Variants in MACROD2 observed in about 807,000 individuals in gnomAD.
MACROD2 encodes ADP-ribose glycohydrolase MACROD2.
A neutral mutation model predicts 70.4 loss-of-function variants in MACROD2; 36 were observed. That is an observed-to-expected ratio of 0.51 (90% CI 0.39 to 0.68). MACROD2 has a LOEUF of 0.68. Among genes scored for constraint, MACROD2 ranks in the 30% least tolerant of loss-of-function variants. MACROD2 has a pLI of 0.00. For missense variants in MACROD2, 496 were observed against 538.4 expected, an observed-to-expected ratio of 0.92 and a Z score of 0.78; for synonymous variants, 172 against 178.8, an observed-to-expected ratio of 0.96 and a Z score of 0.30.
intron 5 of MACROD2, among the ~76,000 whole-genome samples, chr20:14,804,892 T>TGTGTGTGTGAGA (rs1555832707): frequency 6.7e-6 from 1 of 148,628 alleles, no homozygotes; most frequent in African/African-American, 2.5e-5. Context: ...TGTGTGTGTG[T>TGTGTGTGTGAGA]GAGAGAGAGA....
intron 8 of MACROD2, among the ~76,000 whole-genome samples, chr20:15,810,151 G>T (rs1044704869): frequency 3.9e-5 from 6 of 151,924 alleles, no homozygotes; most frequent in African/African-American, 1.4e-4. Context: ...TGCTGAGAAT[G>T]ATGGTTTCCA....
rs1440851618 is a variant in MACROD2, at chr20:15,420,604, A to G, written c.541-10801A>G. 2.6e-5 allele frequency among the ~76,000 whole-genome samples: 4 copies of G among 151,852 alleles called. No individual in the cohort carries two copies. In the East Asian group the frequency reaches 7.7e-4, roughly 29 times the overall value. On this transcript the variant is annotated intron_variant, in intron 6 of 17. Coordinates refer to ENST00000684519, the MANE Select transcript of MACROD2 (RefSeq NM_001351661.2). ...CTATATTCACCCATGCGATGGGGAA[A>G]AAAATTGAATTATTGACTATTCTCC...
chr20:15,462,476 T>C (rs2046832402), intron 7 of MACROD2, among the ~76,000 whole-genome samples: 1 of 152,240 alleles, frequency 6.6e-6, no homozygotes, highest in Admixed American at 6.5e-5. Context: ...TTGTATAGCA[T>C]GTTTACTTTC....
chr20:15,938,971 A>C (rs2065709103), intron 12 of MACROD2, among the ~76,000 whole-genome samples: 1 of 152,262 alleles, frequency 6.6e-6, no homozygotes, highest in Non-Finnish European at 1.5e-5. Flanking sequence ...GCCAGAGCCT[A>C]GTCCAGAGCA....
intron 5 of MACROD2, among the ~76,000 whole-genome samples, chr20:14,857,326 G>C (rs2073265714): frequency 6.6e-6 from 1 of 152,176 alleles, no homozygotes; most frequent in Non-Finnish European, 1.5e-5. Flanking sequence ...GGCGTTGAGG[G>C]GCCTGGCCCC....
intron 6 of MACROD2, among the ~76,000 whole-genome samples, chr20:15,267,777 C>A (rs2077309113): frequency 6.6e-6 from 1 of 152,186 alleles, no homozygotes; most frequent in Admixed American, 6.5e-5. Context: ...TGGGACGGGG[C>A]CTTGGGAAGT....
intron 5 of MACROD2, among the ~76,000 whole-genome samples, chr20:14,898,870 G>T (rs1253307998): frequency 1.3e-5 from 2 of 152,262 alleles, no homozygotes; most frequent in African/African-American, 4.8e-5. Context: ...CAAATAGGAA[G>T]TAGTATCATT....
At chr20:14,181,100 C>T (rs1350670593) in intron 3 of MACROD2, among the ~76,000 whole-genome samples, 2 of 148,808 alleles carry the variant, frequency 1.3e-5, no homozygotes, top group Non-Finnish European at 3.0e-5. Context: ...GGGTCTCTCT[C>T]TCTGTTGCCC....
Position 14,000,360 on chromosome 20 carries a change from T to C in MACROD2, c.47-1928T>C, listed in dbSNP as rs12479596. On this transcript the variant is annotated intron_variant, in intron 1 of 17. Transcript: ENST00000684519. The stretch of plus-strand genomic sequence containing the variant: ...CCTAATGTGGCTGAAGTTCTAGTTA[T>C]AGGAGTGGGAAAAATATTGGTTCCC... Among the ~76,000 whole-genome samples, 991 of 152,274 alleles carry C rather than the reference T, an allele frequency of 6.5e-3. 42 individuals carry two copies. The East Asian group carries it at 0.12, about 19-fold the overall frequency.
intron 3 of MACROD2, among the ~76,000 whole-genome samples, chr20:14,259,014 C>T (rs2082080532): frequency 6.6e-6 from 1 of 152,348 alleles, no homozygotes; most frequent in East Asian, 1.9e-4. Context: ...ATGATCTCAG[C>T]TCACTGCAAC....
At chr20:15,946,428 G>A (rs1158471303) in intron 12 of MACROD2, among the ~76,000 whole-genome samples, 4 of 152,092 alleles carry the variant, frequency 2.6e-5, no homozygotes, top group African/African-American at 9.7e-5. Flanking sequence ...GATAATACAG[G>A]TGAGGGGGGT....
At chr20:14,691,450 C>T (rs1360343140) in intron 5 of MACROD2, among the ~76,000 whole-genome samples, 1 of 152,124 alleles carries the variant, frequency 6.6e-6, no homozygotes, top group Non-Finnish European at 1.5e-5. Context: ...GAAAAGAATG[C>T]CTAGAAAAAT....
At chr20:15,664,190 C>A (rs948075166) in intron 8 of MACROD2, among the ~76,000 whole-genome samples, 1 of 152,104 alleles carries the variant, frequency 6.6e-6, no homozygotes, top group Non-Finnish European at 1.5e-5. Context: ...GGCAAGAGTT[C>A]TGTGAAGATT....
chr20:15,553,744 G>T (rs942615181), intron 8 of MACROD2, among the ~76,000 whole-genome samples: 3 of 152,120 alleles, frequency 2.0e-5, no homozygotes, highest in Non-Finnish European at 4.4e-5. Context: ...TGGGTATTTT[G>T]GAAGTATTTA....
intron 8 of MACROD2, among the ~76,000 whole-genome samples, chr20:15,837,144 C>T (rs185065091): frequency 1.6e-4 from 24 of 151,060 alleles, no homozygotes; most frequent in East Asian, 1.2e-3. Flanking sequence ...GGATAGTAGA[C>T]GAAAAAAAAG....
chr20:14,470,553 A>G (rs911990756), intron 3 of MACROD2, among the ~76,000 whole-genome samples: 5 of 152,160 alleles, frequency 3.3e-5, no homozygotes, highest in African/African-American at 1.2e-4. Flanking sequence ...GCTCTGTCCC[A>G]GGAAGATGGG....
intron 3 of MACROD2, among the ~76,000 whole-genome samples, chr20:14,393,710 A>G (rs1241749394): frequency 1.3e-5 from 2 of 152,082 alleles, no homozygotes; most frequent in Non-Finnish European, 1.5e-5. Context: ...TAGTCTCATT[A>G]TTGCTTGCCA....
intron 5 of MACROD2, among the ~76,000 whole-genome samples, chr20:15,095,100 A>G (rs574441069): frequency 9.1e-6 from 1 of 109,798 alleles, no homozygotes; most frequent in South Asian, 2.9e-4. Flanking sequence ...TTTTTTAGAC[A>G]GAGTCTCGCT....
At chr20:15,094,237 G>A (rs936587947) in intron 5 of MACROD2, among the ~76,000 whole-genome samples, 1 of 152,080 alleles carries the variant, frequency 6.6e-6, no homozygotes, top group Non-Finnish European at 1.5e-5. Context: ...AGCTTTATCA[G>A]ATAATAATAC....
Sources: gnomAD v4.1 joint callset for allele counts (sites outside exome capture counted in the v4.1 genomes callset) on GRCh38, gnomAD v4.1.1 for gene constraint, MANE v1.5 for transcripts, NCBI Gene and HGNC (gene_info 2026-07-23, HGNC 2026-07-21) for gene names.